The following CSMD1 variants were observed in gnomAD, a reference collection of about 807,000 sequenced individuals.
CSMD1 encodes CUB and Sushi multiple domains 1.
Under a neutral mutation model 417.5 loss-of-function variants are expected in CSMD1, and 213 were observed. That is an observed-to-expected ratio of 0.51 (90% CI 0.46 to 0.57). The LOEUF (loss-of-function observed/expected upper bound fraction) is 0.57. CSMD1 is among the 20% of genes least tolerant of loss of function. The pLI, the probability that CSMD1 is intolerant of heterozygous loss-of-function variation, is 0.00. For synonymous variants in CSMD1, 2,862 were observed against 1,736.8 expected (o/e 1.65, Z -16.11); for missense variants, 6,923 against 4,529.7 (o/e 1.53, Z -15.17).
intron 1 of CSMD1, among the ~76,000 whole-genome samples, chr8:4,727,850 T>G (rs1335239144): frequency 6.7e-6 from 1 of 149,582 alleles, no homozygotes; most frequent in African/African-American, 2.4e-5. Context: ...TATATATACA[T>G]ATTGGATATA....
chr8:4,041,683 G>A (rs1037180526), intron 3 of CSMD1, among the ~76,000 whole-genome samples: 1 of 152,108 alleles, frequency 6.6e-6, no homozygotes, highest in Non-Finnish European at 1.5e-5. Flanking sequence ...AAATAAAACA[G>A]AATTTTCAAT....
intron 23 of CSMD1, among the ~76,000 whole-genome samples, chr8:3,317,373 C>A (rs1334143197): frequency 6.6e-6 from 1 of 152,174 alleles, no homozygotes; most frequent in East Asian, 1.9e-4. Context: ...AAATAGTAAT[C>A]GCAATAATTA....
intron 3 of CSMD1, among the ~76,000 whole-genome samples, chr8:4,128,199 G>A (rs1429913279): frequency 6.6e-6 from 1 of 152,058 alleles, no homozygotes. Flanking sequence ...AGTGCCCTGA[G>A]AAAACAGCAG....
At chr8:3,054,110 C>T (rs1043731394) in intron 49 of CSMD1, among the ~76,000 whole-genome samples, 1 of 152,340 alleles carries the variant, frequency 6.6e-6, no homozygotes, top group Non-Finnish European at 1.5e-5. Context: ...ACTATTCTCT[C>T]TTCTGCAAAA....
chr8:4,330,240 G>T lies in CSMD1; in HGVS notation c.415+89713C>A, dbSNP rs138912030. Among the ~76,000 whole-genome samples, 824 of 152,012 alleles carry T rather than the reference G, an allele frequency of 5.4e-3. 6 individuals are homozygous for T. The highest frequency in any genetic ancestry group is 0.019 in the African/African-American group (783 of 41,490). Reference sequence around the variant, plus strand: ...TCAGATCCACCTGTCAGATCCACCCGTCAGATCCAGTAGGACTCTGTCTGG... The same window carrying T: ...TCAGATCCACCTGTCAGATCCACCCTTCAGATCCAGTAGGACTCTGTCTGG... On this transcript the variant is annotated intron_variant, in intron 3 of 69. Coordinates refer to ENST00000635120, the MANE Select transcript of CSMD1 (RefSeq NM_033225.6).
intron 5 of CSMD1, among the ~76,000 whole-genome samples, chr8:3,896,286 C>T (rs953389549): frequency 1.3e-5 from 2 of 152,178 alleles, no homozygotes; most frequent in African/African-American, 4.8e-5. Flanking sequence ...CTATGAGTGA[C>T]ATCGCCTTGG....
chr8:3,968,907 A>G (rs890967881), intron 5 of CSMD1, among the ~76,000 whole-genome samples: 1 of 152,154 alleles, frequency 6.6e-6, no homozygotes, highest in African/African-American at 2.4e-5. Context: ...AGATGTAATG[A>G]TTTATCTCAA....
At chr8:3,995,952 G>A (rs972346090) in intron 5 of CSMD1, among the ~76,000 whole-genome samples, 4 of 152,138 alleles carry the variant, frequency 2.6e-5, no homozygotes, top group African/African-American at 7.2e-5. Context: ...CTTCCAGCCT[G>A]GATCCAGGCA....
At chr8:4,703,085 T>A (rs1041742098) in intron 1 of CSMD1, among the ~76,000 whole-genome samples, 2 of 152,228 alleles carry the variant, frequency 1.3e-5, no homozygotes, top group African/African-American at 4.8e-5. Flanking sequence ...CCATACATAA[T>A]TTGCATTTGA....
chr8:3,157,142 C>G (rs567732473), intron 39 of CSMD1, among the ~76,000 whole-genome samples: 2 of 152,122 alleles, frequency 1.3e-5, no homozygotes, highest in African/African-American at 4.8e-5. Context: ...TGAGACAGTA[C>G]CTGCAAGGTT....
intron 1 of CSMD1, among the ~76,000 whole-genome samples, chr8:4,824,654 T>G (rs888236601): frequency 6.6e-6 from 1 of 152,166 alleles, no homozygotes; most frequent in Non-Finnish European, 1.5e-5. Context: ...AGAAGGAATC[T>G]CATAACGAAA....
intron 7 of CSMD1, among the ~76,000 whole-genome samples, chr8:3,676,135 C>A (rs1345344428): frequency 6.6e-6 from 1 of 152,130 alleles, no homozygotes; most frequent in Non-Finnish European, 1.5e-5. Flanking sequence ...TACTATTATA[C>A]CTAGAATAGG....
At chr8:3,239,146 T>C (rs1430202156) in intron 26 of CSMD1, among the ~76,000 whole-genome samples, 3 of 152,166 alleles carry the variant, frequency 2.0e-5, no homozygotes, top group African/African-American at 7.2e-5. Flanking sequence ...TTTTAAGTGG[T>C]GGCTGAGCTT....
chr8:3,623,950 C>T (rs1796375593), intron 7 of CSMD1, among the ~76,000 whole-genome samples: 1 of 151,762 alleles, frequency 6.6e-6, no homozygotes, highest in African/African-American at 2.4e-5. Context: ...GCACTCCAGC[C>T]TGGGTGACAG....
chr8:3,137,752 T>C (rs865866247), intron 41 of CSMD1, among the ~76,000 whole-genome samples: 4 of 152,320 alleles, frequency 2.6e-5, no homozygotes, highest in Non-Finnish European at 4.4e-5. Flanking sequence ...AAAGAGTCTG[T>C]GCATGTTCAG....
chr8:3,822,175 G>A (rs149738593), intron 5 of CSMD1, among the ~76,000 whole-genome samples: 158 of 152,196 alleles, frequency 1.0e-3, no homozygotes, highest in African/African-American at 1.4e-3. Flanking sequence ...CCCTTGAATC[G>A]TTTAAGCACT....
intron 49 of CSMD1, among the ~76,000 whole-genome samples, chr8:3,082,955 C>T (rs1377430743): frequency 6.6e-6 from 1 of 152,132 alleles, no homozygotes; most frequent in African/African-American, 2.4e-5. Flanking sequence ...ATGAAAACTT[C>T]TGTGCTGATT....
intron 26 of CSMD1, among the ~76,000 whole-genome samples, 153 bp from the exon 27 acceptor site, chr8:3,230,384 G>A (rs1203155165): frequency 6.6e-6 from 1 of 152,190 alleles, no homozygotes; most frequent in Non-Finnish European, 1.5e-5. Flanking sequence ...TCTTTTCCCA[G>A]GGGTACATTC....
At chr8:4,380,713 T>C (rs1171889267) in intron 3 of CSMD1, among the ~76,000 whole-genome samples, 1 of 152,198 alleles carries the variant, frequency 6.6e-6, no homozygotes, top group Non-Finnish European at 1.5e-5. Flanking sequence ...GGATTGTGGA[T>C]GTTGTATCTA....
Sources: gnomAD v4.1 joint callset for allele counts (sites outside exome capture counted in the v4.1 genomes callset) on GRCh38, gnomAD v4.1.1 for gene constraint, MANE v1.5 for transcripts, NCBI Gene and HGNC (gene_info 2026-07-23, HGNC 2026-07-21) for gene names.